ARHGEF28: variants seen among roughly 807,000 people sequenced by gnomAD.
The protein encoded by ARHGEF28 is 190 kDa guanine nucleotide exchange factor.
A neutral mutation model predicts 206.6 loss-of-function variants in ARHGEF28; 152 were observed. That is an observed-to-expected ratio of 0.74 (90% CI 0.64 to 0.84). The LOEUF is 0.84. ARHGEF28 is among the 40% of genes least tolerant of loss of function. ARHGEF28 has a pLI of 0.00. For synonymous variants in ARHGEF28, 763 were observed against 776.4 expected, an observed-to-expected ratio of 0.98 and a Z score of 0.29; for missense variants, 2,028 against 2,073.2, an observed-to-expected ratio of 0.98 and a Z score of 0.42.
At chr5:73,652,528 G>T (rs1256192806) in intron 1 of ARHGEF28, among the ~76,000 whole-genome samples, 1 of 152,176 alleles carries the variant, frequency 6.6e-6, no homozygotes, top group South Asian at 2.1e-4. Context: ...GCAGGGTGGG[G>T]CCACATTCAG....
At chr5:73,719,737 A>G (rs1749817225) in intron 2 of ARHGEF28, among the ~76,000 whole-genome samples, 1 of 152,376 alleles carries the variant, frequency 6.6e-6, no homozygotes, top group South Asian at 2.1e-4. Context: ...ACTTCTGTAC[A>G]AGTTTGAAAA....
rs74677866 is a variant in ARHGEF28, at chr5:73,756,837, C to T, written c.475+3635C>T. On this transcript the variant is annotated intron_variant, in intron 4 of 35. Transcript: ENST00000513042. ...TATTAGATACTAGGTAGAAGGAAAACGTGGAGTTTTTATTGTATTTACTGA... is the reference window on the plus strand; with the variant it reads ...TATTAGATACTAGGTAGAAGGAAAATGTGGAGTTTTTATTGTATTTACTGA... Among the ~76,000 whole-genome samples, 616 of 152,192 alleles carry T rather than the reference C, an allele frequency of 4.0e-3. 1 individual carries two copies. Among genetic ancestry groups the T allele is most frequent in the South Asian group, 0.01 (49 of 4,818 alleles).
chr5:73,754,693 A>T (rs1464522392), intron 4 of ARHGEF28, among the ~76,000 whole-genome samples: 1 of 152,018 alleles, frequency 6.6e-6, no homozygotes, highest in Admixed American at 6.6e-5. Flanking sequence ...TCATAGTAGT[A>T]CCTGCTTCTT....
chr5:73,792,666 G>A (rs1415657243), intron 7 of ARHGEF28, among the ~76,000 whole-genome samples: 2 of 98,784 alleles, frequency 2.0e-5, no homozygotes, highest in Admixed American at 1.2e-4. Context: ...TTTTTTTAAC[G>A]CCTTTGTGGT....
chr5:73,845,970 A>G (rs1758310208), intron 11 of ARHGEF28, among the ~76,000 whole-genome samples: 1 of 148,414 alleles, frequency 6.7e-6, no homozygotes, highest in Non-Finnish European at 1.5e-5. Context: ...CCTAGGCAAC[A>G]AGAACAAAAC....
At chr5:73,837,695 TTC>T (rs780772031) in intron 10 of ARHGEF28, among the ~76,000 whole-genome samples, 2 of 151,624 alleles carry the variant, frequency 1.3e-5, no homozygotes, top group Non-Finnish European at 2.9e-5. Context: ...TTTTCTTTCG[TTC>T]TCTTTCTTTC....
chr5:73,660,685 A>G (rs570281512), intron 1 of ARHGEF28, among the ~76,000 whole-genome samples: 1 of 152,362 alleles, frequency 6.6e-6, no homozygotes, highest in African/African-American at 2.4e-5. Context: ...ACAGGCATAA[A>G]AACAACATTA....
Position 73,937,274 on chromosome 5 carries a change from G to A in ARHGEF28, c.4949-3570G>A, listed in dbSNP as rs1188703563. ...TAGGAGACTAACTTAGACCCCCCAC[G>A]GTGGTCCTCATAATGTGAGTATCGA... On this transcript the variant is annotated intron_variant, in intron 35 of 35. Transcript: ENST00000513042. Among the ~76,000 whole-genome samples, 3 of 152,146 alleles carry A rather than the reference G, an allele frequency of 2.0e-5. No individual in the cohort carries two copies. The East Asian group carries it at 5.8e-4, about 29-fold the overall frequency.
At chr5:73,759,087 T>A (rs974139278) in intron 4 of ARHGEF28, among the ~76,000 whole-genome samples, 1 of 152,200 alleles carries the variant, frequency 6.6e-6, no homozygotes, top group East Asian at 1.9e-4. Flanking sequence ...TGTGGGTCCA[T>A]GGTTGGTTGG....
chr5:73,826,786 A>G (rs183655014), intron 9 of ARHGEF28, among the ~76,000 whole-genome samples: 4 of 152,072 alleles, frequency 2.6e-5, no homozygotes, highest in African/African-American at 4.8e-5. Flanking sequence ...TTTACTTTCA[A>G]TTGTCTCCCC....
At chr5:73,755,463 C>T (rs913102354) in intron 4 of ARHGEF28, among the ~76,000 whole-genome samples, 4 of 152,142 alleles carry the variant, frequency 2.6e-5, no homozygotes, top group Non-Finnish European at 5.9e-5. Flanking sequence ...AGCACAGCAG[C>T]TTGGTGCCTG....
In ARHGEF28 at chr5:73,849,086, A is replaced by G; in HGVS notation, c.1746A>G (p.Glu582=). 5 of 1,549,978 alleles carry G rather than the reference A, an allele frequency of 3.2e-6. No homozygotes were observed. The highest frequency in any genetic ancestry group is 4.4e-6 in the Non-Finnish European group (5 of 1,140,294). ...VRELTVCSSS[E]EQRAYSLSEP... is the part of the protein sequence containing the mutation. The stretch of plus-strand genomic sequence containing the variant: ...AATTAACAGTATGCAGTTCAAGTGA[A>G]GGTAAGCATCATTTAACATTTGGCT... The change falls in exon 13 of 36, where the codon GAA becomes GAG. Residue 582 remains glutamate, a splice_region_variant and synonymous_variant. Coordinates refer to ENST00000513042, the MANE Select transcript of ARHGEF28 (RefSeq NM_001177693.2).
At chr5:73,722,559 C>T (rs1750026191) in intron 2 of ARHGEF28, among the ~76,000 whole-genome samples, 1 of 152,184 alleles carries the variant, frequency 6.6e-6, no homozygotes, top group African/African-American at 2.4e-5. Context: ...TTAGGAAGAC[C>T]CACTTTTCTT....
intron 1 of ARHGEF28, among the ~76,000 whole-genome samples, chr5:73,628,096 T>C (rs551477634): frequency 6.6e-6 from 1 of 152,326 alleles, no homozygotes; most frequent in Admixed American, 6.5e-5. Flanking sequence ...TCATACTTTT[T>C]TTTTTTAATT....
chr5:73,774,416 G>A (rs543652526), intron 5 of ARHGEF28, among the ~76,000 whole-genome samples: 30 of 152,192 alleles, frequency 2.0e-4, no homozygotes, highest in African/African-American at 7.0e-4. Flanking sequence ...TATATGTGTG[G>A]TCATTTGTTT....
intron 18 of ARHGEF28, among the ~76,000 whole-genome samples, chr5:73,867,360 T>A (rs1224118996): frequency 4.6e-5 from 7 of 152,194 alleles, no homozygotes; most frequent in Non-Finnish European, 7.3e-5. Flanking sequence ...TAGTTTTCCA[T>A]GTGTGAGAGA....
At chr5:73,855,470 G>A (rs552781130) in intron 14 of ARHGEF28, among the ~76,000 whole-genome samples, 12 of 152,156 alleles carry the variant, frequency 7.9e-5, no homozygotes, top group Non-Finnish European at 1.3e-4. Context: ...GGTGGCTCAC[G>A]TTTTTAATCC....
In ARHGEF28 at chr5:73,684,930, A is replaced by G. The variant is rs542329555; in HGVS notation, c.33+46A>G. On this transcript the variant is annotated intron_variant, in intron 2 of 35. Transcript: ENST00000513042. ...CTTCAGGTCCAAGGGGCCCTTTCTT[A>G]ACTCCAAACCATGTGACTGAAGTGG... 3.1e-5 allele frequency: 50 copies of G among 1,599,898 alleles called. 1 individual carries two copies. The highest frequency in any genetic ancestry group is 2.2e-4 in the Admixed American group (13 of 58,706).
intron 5 of ARHGEF28, among the ~76,000 whole-genome samples, chr5:73,775,489 G>C (rs563364515): frequency 3.9e-5 from 6 of 152,194 alleles, no homozygotes; most frequent in Middle Eastern, 3.4e-3. Flanking sequence ...AGTTTGGAGA[G>C]GTCCCCCAAG....
Sources: gnomAD v4.1 joint callset for allele counts (sites outside exome capture counted in the v4.1 genomes callset) on GRCh38, gnomAD v4.1.1 for gene constraint, MANE v1.5 for transcripts, NCBI Gene and HGNC (gene_info 2026-07-23, HGNC 2026-07-21) for gene names.